LRBA: variants seen among roughly 807,000 people sequenced by gnomAD.
LRBA encodes LPS responsive beige-like anchor protein.
Under a neutral mutation model 330.0 loss-of-function variants are expected in LRBA, and 176 were observed. The observed-to-expected ratio is 0.53, with a 90% CI of 0.47 to 0.60. The LOEUF is 0.60. Ranked by LOEUF, LRBA falls within the 20% of genes least tolerant of loss-of-function variation. The pLI is 0.00. For missense variants in LRBA, 3,259 were observed against 3,444.8 expected, an observed-to-expected ratio of 0.95 and a Z score of 1.35; for synonymous variants, 1,230 against 1,193.0, an observed-to-expected ratio of 1.03 and a Z score of -0.64.
intron 35 of LRBA, among the ~76,000 whole-genome samples, chr4:150,746,573 T>A (rs1732763322): frequency 6.6e-6 from 1 of 150,666 alleles, no homozygotes; most frequent in African/African-American, 2.4e-5. Flanking sequence ...TACAGTGGCA[T>A]GATCTCGGTT....
intron 47 of LRBA, among the ~76,000 whole-genome samples, chr4:150,403,269 C>G (rs936364942): frequency 3.3e-5 from 5 of 152,200 alleles, no homozygotes; most frequent in Non-Finnish European, 7.3e-5. Flanking sequence ...CTACTGAAAG[C>G]AATGGTGGTG....
chr4:150,570,621 T>G (rs971118656), intron 40 of LRBA, among the ~76,000 whole-genome samples: 5 of 152,100 alleles, frequency 3.3e-5, no homozygotes, highest in Non-Finnish European at 7.4e-5. Context: ...ATTCTCTTTT[T>G]GTAACTATAA....
intron 34 of LRBA, among the ~76,000 whole-genome samples, chr4:150,793,739 G>C (rs1740343267): frequency 6.6e-6 from 1 of 152,176 alleles, no homozygotes; most frequent in Admixed American, 6.5e-5. Flanking sequence ...TTTAGGCGTA[G>C]AGTTGTAGGG....
intron 30 of LRBA, among the ~76,000 whole-genome samples, chr4:150,824,479 T>C (rs1745939293): frequency 1.3e-5 from 2 of 152,212 alleles, no homozygotes; most frequent in Admixed American, 1.3e-4. Context: ...GTGGGCATCG[T>C]TGTCTCATTC....
chr4:150,724,125 G>A (rs1729336163), intron 36 of LRBA, among the ~76,000 whole-genome samples: 1 of 152,174 alleles, frequency 6.6e-6, no homozygotes, highest in African/African-American at 2.4e-5. Context: ...GGAGCCTGTG[G>A]GAACTCACGG....
chr4:150,350,706 C>T (rs1170552173), intron 47 of LRBA, among the ~76,000 whole-genome samples: 9 of 151,990 alleles, frequency 5.9e-5, no homozygotes, highest in African/African-American at 1.2e-4. Context: ...ATTTTTCTAC[C>T]GTACTGACAG....
At chr4:150,291,940 G>A (rs1728350936) in intron 53 of LRBA, among the ~76,000 whole-genome samples, 1 of 152,122 alleles carries the variant, frequency 6.6e-6, no homozygotes, top group Non-Finnish European at 1.5e-5. Context: ...GGATAAAATT[G>A]GAAGTCATCA....
intron 40 of LRBA, among the ~76,000 whole-genome samples, chr4:150,497,785 TACAA>T (rs1439582062): frequency 6.6e-6 from 1 of 152,134 alleles, no homozygotes; most frequent in Non-Finnish European, 1.5e-5. Flanking sequence ...GAGGGGAGCC[TACAA>T]ACACACACAC....
At chr4:150,861,983 A>G (rs1752002808) in intron 22 of LRBA, among the ~76,000 whole-genome samples, 1 of 147,280 alleles carries the variant, frequency 6.8e-6, no homozygotes, top group African/African-American at 2.5e-5. Context: ...TCTGACTCCA[A>G]AAAAAAAAAA....
intron 48 of LRBA, among the ~76,000 whole-genome samples, chr4:150,340,539 T>C (rs1480239252): frequency 6.6e-6 from 1 of 152,222 alleles, no homozygotes; most frequent in Non-Finnish European, 1.5e-5. Flanking sequence ...TCCTGCTCTT[T>C]GCCCAGGCTG....
At chr4:150,697,674 C>T (rs1784768886) in intron 36 of LRBA, among the ~76,000 whole-genome samples, 1 of 151,986 alleles carries the variant, frequency 6.6e-6, no homozygotes, top group Admixed American at 6.6e-5. Flanking sequence ...ATTTGTATTT[C>T]TCAGCTGATG....
intron 47 of LRBA, among the ~76,000 whole-genome samples, chr4:150,389,691 A>AAAAG (rs1285362014): frequency 2.0e-5 from 3 of 150,712 alleles, no homozygotes; most frequent in Non-Finnish European, 1.5e-5. Flanking sequence ...AAAAAAAAAA[A>AAAAG]AAAAAAGAAA....
At chr4:150,367,611 T>G (rs1236415744) in intron 47 of LRBA, among the ~76,000 whole-genome samples, 2 of 152,222 alleles carry the variant, frequency 1.3e-5, no homozygotes, top group Non-Finnish European at 2.9e-5. Flanking sequence ...ATGCCGAAAC[T>G]CGGATTTATT....
chr4:150,909,141 T>C (rs1213930890), intron 9 of LRBA, among the ~76,000 whole-genome samples: 1 of 152,210 alleles, frequency 6.6e-6, no homozygotes, highest in East Asian at 1.9e-4. Context: ...CAAAAGCATA[T>C]AATATACAAC....
At chr4:150,773,390 G>A (rs769165005) in intron 34 of LRBA, among the ~76,000 whole-genome samples, 7 of 152,220 alleles carry the variant, frequency 4.6e-5, no homozygotes, top group East Asian at 1.9e-4. Flanking sequence ...CATTTGTCAC[G>A]TCTATTAGGT....
intron 42 of LRBA, among the ~76,000 whole-genome samples, chr4:150,473,200 G>A (rs1308844790): frequency 6.6e-6 from 1 of 152,086 alleles, no homozygotes; most frequent in Non-Finnish European, 1.5e-5. Context: ...TTTAATGTAT[G>A]TTGTTGAGCA....
At chr4:150,497,957 C>G (rs1398123266) in intron 40 of LRBA, among the ~76,000 whole-genome samples, 1 of 152,154 alleles carries the variant, frequency 6.6e-6, no homozygotes, top group Non-Finnish European at 1.5e-5. Flanking sequence ...CCCTTATGAC[C>G]TGAAATTTCA....
intron 44 of LRBA, among the ~76,000 whole-genome samples, chr4:150,445,087 A>G (rs748738039): frequency 1.3e-5 from 2 of 152,150 alleles, no homozygotes; most frequent in African/African-American, 2.4e-5. Flanking sequence ...GAATGCTGAT[A>G]TAACAAGATC....
intron 36 of LRBA, among the ~76,000 whole-genome samples, chr4:150,709,380 A>G (rs977577259): frequency 2.0e-5 from 3 of 151,994 alleles, no homozygotes; most frequent in Admixed American, 2.0e-4. Flanking sequence ...CTTCATTTCA[A>G]GCACAATCAG....
Sources: allele counts gnomAD v4.1 joint callset (sites outside exome capture counted in the v4.1 genomes callset), GRCh38; gene constraint gnomAD v4.1.1; transcripts MANE v1.5; gene names NCBI Gene and HGNC (gene_info 2026-07-23, HGNC 2026-07-21).